RBFOX3: variants seen among roughly 807,000 people sequenced by gnomAD.
The protein encoded by RBFOX3 is RNA binding fox-1 homolog 3.
Under a neutral mutation model 48.7 loss-of-function variants are expected in RBFOX3, and 17 were observed. The ratio of observed to expected loss-of-function variants is 0.35; its 90% CI spans 0.24 to 0.52. RBFOX3 has a LOEUF of 0.52. RBFOX3 is among the 20% of genes least tolerant of loss of function. The pLI is 0.94. For missense variants in RBFOX3, 382 were observed against 497.5 expected (o/e 0.77, Z 2.21); for synonymous variants, 212 against 209.5 (o/e 1.01, Z -0.10).
intron 4 of RBFOX3, among the ~76,000 whole-genome samples, chr17:79,130,518 C>T (rs1172864246): frequency 6.6e-6 from 1 of 152,258 alleles, no homozygotes; most frequent in Non-Finnish European, 1.5e-5. Context: ...TGGATGTCCC[C>T]ACCCTCTTTC....
chr17:79,662,653 G>A, the RBFOX3 span, among the ~76,000 whole-genome samples: 12 of 152,248 alleles, frequency 7.9e-5, no homozygotes, highest in South Asian at 2.1e-4. Flanking sequence ...ATTCTAACAC[G>A]CAGTCGGGGT....
At chr17:79,620,285 GCA>G in the RBFOX3 span, among the ~76,000 whole-genome samples, 5 of 126,740 alleles carry the variant, frequency 3.9e-5, no homozygotes, top group African/African-American at 6.1e-5. Context: ...ACGCATATGC[GCA>G]CACACGCACA....
At chr17:79,206,921 C>T (rs952342553) in intron 4 of RBFOX3, among the ~76,000 whole-genome samples, 24 of 152,230 alleles carry the variant, frequency 1.6e-4, no homozygotes, top group African/African-American at 5.1e-4. Flanking sequence ...TTCTTCCTCC[C>T]CATTTCACTT....
chr17:79,221,877 G>C lies in RBFOX3; in HGVS notation c.-34+13889C>G, dbSNP rs148224190. On this transcript the variant is annotated intron_variant, in intron 4 of 14. Coordinates refer to ENST00000693108, the MANE Select transcript of RBFOX3 (RefSeq NM_001350451.2). ...CATCAGCTTTGAGTCTCTGGGGCTG[G>C]CATGGATGCCTGGCAGGAGCGGGGA... 4.0e-4 allele frequency among the ~76,000 whole-genome samples: 60 copies of C among 151,622 alleles called. No homozygotes were observed. The East Asian group carries it at 0.01, about 26-fold the overall frequency.
chr17:79,539,700 C>T (rs1555789666), intron 1 of RBFOX3, among the ~76,000 whole-genome samples: 1 of 152,216 alleles, frequency 6.6e-6, no homozygotes, highest in African/African-American at 2.4e-5. Flanking sequence ...ACTTTATACA[C>T]TTCTGTGTTG....
chr17:79,502,410 A>G (rs1301907731), intron 1 of RBFOX3, among the ~76,000 whole-genome samples: 1 of 152,180 alleles, frequency 6.6e-6, no homozygotes, highest in African/African-American at 2.4e-5. Flanking sequence ...GGGAAAAATG[A>G]CAAAGTTCTA....
At chr17:79,335,273 C>T (rs1019959113) in intron 2 of RBFOX3, among the ~76,000 whole-genome samples, 3 of 152,196 alleles carry the variant, frequency 2.0e-5, no homozygotes, top group East Asian at 1.9e-4. Flanking sequence ...TGTCCATTTG[C>T]GACCAAAAGG....
At chr17:79,105,236 C>A (rs1375881530) in intron 6 of RBFOX3, among the ~76,000 whole-genome samples, 1 of 152,212 alleles carries the variant, frequency 6.6e-6, no homozygotes, top group Non-Finnish European at 1.5e-5. Flanking sequence ...GGGACAGTAA[C>A]CTCCGTTCTG....
chr17:79,237,939 A>AT (rs11313793), intron 3 of RBFOX3, among the ~76,000 whole-genome samples: 2 of 151,900 alleles, frequency 1.3e-5, no homozygotes, highest in African/African-American at 2.4e-5. Context: ...AATTTGGGGG[A>AT]TTTTTTTCTA....
intron 4 of RBFOX3, chr17:79,235,407 G>A (rs1287466757): frequency 6.6e-6 from 1 of 151,590 alleles, no homozygotes; most frequent in African/African-American, 2.4e-5. Context: ...GGACCTTGGG[G>A]TTGGGGGAGG....
intron 2 of RBFOX3, among the ~76,000 whole-genome samples, chr17:79,425,616 G>C (rs1237654224): frequency 6.6e-6 from 1 of 152,248 alleles, no homozygotes; most frequent in Non-Finnish European, 1.5e-5. Context: ...AGACCCTGCT[G>C]AGCTGTGCAC....
intron 3 of RBFOX3, among the ~76,000 whole-genome samples, chr17:79,287,179 T>G (rs1203585350): frequency 1.3e-5 from 2 of 152,194 alleles, no homozygotes; most frequent in African/African-American, 2.4e-5. Context: ...TTCTTCACCC[T>G]GGTGCTCTGA....
chr17:79,547,328 G>C (rs940017152), intron 1 of RBFOX3, among the ~76,000 whole-genome samples: 1 of 151,936 alleles, frequency 6.6e-6, no homozygotes, highest in Non-Finnish European at 1.5e-5. Flanking sequence ...GGTGGCGCAC[G>C]CCTGTAATCC....
At chr17:79,366,038 A>G (rs1176329335) in intron 2 of RBFOX3, among the ~76,000 whole-genome samples, 1 of 152,264 alleles carries the variant, frequency 6.6e-6, no homozygotes, top group Non-Finnish European at 1.5e-5. Context: ...GCTTCTGCCC[A>G]CAGGGGACAC....
chr17:79,351,937 C>A (rs569293768), intron 2 of RBFOX3, among the ~76,000 whole-genome samples: 1 of 152,230 alleles, frequency 6.6e-6, no homozygotes, highest in Admixed American at 6.5e-5. Flanking sequence ...TCGTTCAGGG[C>A]CTACAGGTCC....
the RBFOX3 span, among the ~76,000 whole-genome samples, chr17:79,623,741 G>T: frequency 6.6e-6 from 1 of 151,506 alleles, no homozygotes. Context: ...AGAATCGCTT[G>T]AACCCAGGAG....
chr17:79,520,647 C>T (rs991620995), intron 1 of RBFOX3, among the ~76,000 whole-genome samples: 16 of 152,234 alleles, frequency 1.1e-4, no homozygotes, highest in Non-Finnish European at 2.1e-4. Context: ...CCTGACATCT[C>T]GGCCTGGGGA....
At position 79,243,356 on chromosome 17, in the gene RBFOX3, G is replaced by C. The variant is rs2062680041; in HGVS notation, c.-73-7551C>G. On this transcript the variant is annotated intron_variant, in intron 3 of 14. Transcript: ENST00000693108. This position sits in a 1 kb window ranked among gnomAD's most constrained non-coding sequence, Gnocchi z 7.9. ...CTGTACTCCTTTTGCTCATTGCCGG[G>C]TCTAACTCCAACCTGCCTCCCACCC... is the stretch of plus-strand genomic sequence containing the variant. Among the ~76,000 whole-genome samples, 1 of 152,118 alleles carries C rather than the reference G, an allele frequency of 6.6e-6. No individual in the cohort carries two copies. The highest frequency in any genetic ancestry group is 2.1e-4 in the South Asian group (1 of 4,828).
At chr17:79,353,355 C>T (rs1401545640) in intron 2 of RBFOX3, among the ~76,000 whole-genome samples, 6 of 152,162 alleles carry the variant, frequency 3.9e-5, no homozygotes, top group African/African-American at 7.2e-5. Flanking sequence ...TGGCCAGCTC[C>T]GTGGACTCTC....
Sources: allele counts gnomAD v4.1 joint callset (sites outside exome capture counted in the v4.1 genomes callset), GRCh38; gene constraint gnomAD v4.1.1; non-coding constraint Gnocchi (gnomAD v3.1); transcripts MANE v1.5; gene names NCBI Gene and HGNC (gene_info 2026-07-23, HGNC 2026-07-21).